The following PDE3B variants were observed in gnomAD, a reference collection of about 807,000 sequenced individuals.
The protein encoded by PDE3B is phosphodiesterase 3B, also known as cGMP-inhibited 3',5'-cyclic phosphodiesterase 3B.
A neutral mutation model predicts 116.8 loss-of-function variants in PDE3B; 66 were observed. The ratio of observed to expected loss-of-function variants is 0.56; its 90% CI spans 0.46 to 0.69. The LOEUF (loss-of-function observed/expected upper bound fraction) is 0.69. PDE3B is among the 30% of genes least tolerant of loss of function. PDE3B has a pLI of 0.00. For missense variants in PDE3B, 1,384 were observed against 1,368.1 expected (o/e 1.01, Z -0.18); for synonymous variants, 595 against 533.6 (o/e 1.12, Z -1.59).
chr11:14,873,661 A>T (rs1034888827), downstream of PDE3B, among the ~76,000 whole-genome samples: 1 of 152,174 alleles, frequency 6.6e-6, no homozygotes, highest in Non-Finnish European at 1.5e-5. Flanking sequence ...ATGTATTTCA[A>T]TGTAGGTATG....
At chr11:14,728,294 T>C (rs993829795) in intron 1 of PDE3B, among the ~76,000 whole-genome samples, 4 of 152,078 alleles carry the variant, frequency 2.6e-5, no homozygotes, top group Non-Finnish European at 5.9e-5. Context: ...TTATGCTTTC[T>C]GTGAAAGTCA....
At chr11:14,797,825 T>C (rs1366660383) in intron 4 of PDE3B, among the ~76,000 whole-genome samples, 2 of 152,224 alleles carry the variant, frequency 1.3e-5, no homozygotes, top group Non-Finnish European at 2.9e-5. Context: ...TAAGGAGATT[T>C]GGGGCTGAGA....
At chr11:14,786,997 G>A (rs563636242) in intron 3 of PDE3B, among the ~76,000 whole-genome samples, 3 of 152,046 alleles carry the variant, frequency 2.0e-5, no homozygotes, top group African/African-American at 7.2e-5. Context: ...TCACGTTATT[G>A]CTCTATTTTA....
intron 1 of PDE3B, among the ~76,000 whole-genome samples, chr11:14,745,802 A>G (rs1299622837): frequency 6.6e-6 from 1 of 152,224 alleles, no homozygotes; most frequent in African/African-American, 2.4e-5. Flanking sequence ...GGAAAAGGAA[A>G]AGAATTAATG....
intron 1 of PDE3B, among the ~76,000 whole-genome samples, chr11:14,694,122 GAAA>G (rs1855131204): frequency 1.3e-5 from 2 of 152,154 alleles, no homozygotes; most frequent in Admixed American, 1.3e-4. Context: ...TCAGTGTCAT[GAAA>G]AAACTTGAAC....
chr11:14,717,790 C>A (rs1259704290), intron 1 of PDE3B, among the ~76,000 whole-genome samples: 10 of 134,878 alleles, frequency 7.4e-5, no homozygotes, highest in East Asian at 4.4e-4. Flanking sequence ...TGGAAAGGAA[C>A]AACCGGTACC....
chr11:14,771,966 A>G lies in PDE3B; in HGVS notation c.1008A>G (p.Gln336=), dbSNP rs1192855128. The stretch of plus-strand genomic sequence containing the variant: ...TTCTTTGGGATTGGGACTTAAAACA[A>G]TGGTATAAGCCTCATTATCAAGTAA... The part of the protein sequence containing the change: ...QMILWDWDLK[Q]WYKPHYQNSG... Residue 336 remains glutamine (Q), a synonymous_variant, in exon 2 of 16, where the codon CAA becomes CAG. Coordinates refer to ENST00000282096, the MANE Select transcript of PDE3B (RefSeq NM_000922.4). 2.2e-6 allele frequency: 3 copies of G among 1,352,894 alleles called. No homozygotes were observed. Among genetic ancestry groups the G allele is most frequent in the East Asian group, 2.7e-5 (1 of 37,188 alleles). The allele number at this position is 1,352,894 out of a possible 1,614,324, so 83.8% of individuals were successfully genotyped here. A position where few individuals can be genotyped will look rare whatever the true frequency, so the allele number is the denominator to read the frequency against.
At chr11:14,847,714 A>G (rs949477409) in intron 12 of PDE3B, among the ~76,000 whole-genome samples, 9 of 152,248 alleles carry the variant, frequency 5.9e-5, no homozygotes, top group Admixed American at 5.2e-4. Context: ...AAACAGCTCT[A>G]AGCAAATAAA....
chr11:14,786,883 C>T (rs951396833), intron 3 of PDE3B, among the ~76,000 whole-genome samples, 198 bp downstream of exon 3: 2 of 151,898 alleles, frequency 1.3e-5, no homozygotes, highest in Non-Finnish European at 2.9e-5. Context: ...AAATACATTG[C>T]TGTGATTAGC....
In PDE3B at chr11:14,852,480, C is replaced by T. The variant is rs955847787; in HGVS notation, c.2521-6563C>T. On this transcript the variant is annotated intron_variant, in intron 12 of 15. Transcript: ENST00000282096. ...ATAATTTAAAACAATGTTATATGAA[C>T]AACTTATACAAGTTGCATACTCAAT... Among the ~76,000 whole-genome samples the T allele has an allele frequency of 2.6e-5, 4 of 152,206 alleles. No individual in the cohort carries two copies. In the South Asian group the frequency reaches 8.3e-4, roughly 32 times the overall value.
intron 4 of PDE3B, among the ~76,000 whole-genome samples, chr11:14,796,526 A>G (rs1858559247): frequency 1.3e-5 from 2 of 152,168 alleles, no homozygotes; most frequent in Admixed American, 6.5e-5. Flanking sequence ...CCTCTGCAGC[A>G]TCTGTTGTTT....
chr11:14,721,619 T>C (rs1028216305), intron 1 of PDE3B, among the ~76,000 whole-genome samples: 2 of 148,906 alleles, frequency 1.3e-5, no homozygotes, highest in Non-Finnish European at 3.0e-5. Flanking sequence ...TTCATGTCCT[T>C]TCTAGGGACA....
chr11:14,727,743 A>AT (rs1856350410), intron 1 of PDE3B, among the ~76,000 whole-genome samples: 1 of 151,964 alleles, frequency 6.6e-6, no homozygotes, highest in East Asian at 1.9e-4. Flanking sequence ...TCTAAACTGC[A>AT]TTTTTTCTCC....
the PDE3B span, among the ~76,000 whole-genome samples, chr11:14,889,607 A>G: frequency 6.6e-6 from 1 of 152,156 alleles, no homozygotes; most frequent in Non-Finnish European, 1.5e-5. Flanking sequence ...CTCTCTCTGT[A>G]AAGAACCATG....
At chr11:14,858,834 G>A (rs1847895420) in intron 12 of PDE3B, among the ~76,000 whole-genome samples, 1 of 152,024 alleles carries the variant, frequency 6.6e-6, no homozygotes, top group Admixed American at 6.5e-5. Flanking sequence ...TATGTATGTT[G>A]GAAGGAAAGG....
intron 1 of PDE3B, among the ~76,000 whole-genome samples, chr11:14,669,289 C>T (rs900577536): frequency 6.6e-6 from 1 of 151,856 alleles, no homozygotes; most frequent in Admixed American, 6.6e-5. Flanking sequence ...ATAACTACCC[C>T]AGGCTCACTT....
At chr11:14,691,916 C>A (rs932335558) in intron 1 of PDE3B, among the ~76,000 whole-genome samples, 9 of 152,134 alleles carry the variant, frequency 5.9e-5, no homozygotes, top group African/African-American at 2.2e-4. Context: ...AAATCATTTA[C>A]AATTTAATAG....
At chr11:14,887,070 G>C in the PDE3B span, 1 of 152,256 alleles carries the variant, frequency 6.6e-6, no homozygotes, top group East Asian at 1.9e-4. Context: ...TAAGTAAAAG[G>C]GAATGGCTAC....
intron 1 of PDE3B, among the ~76,000 whole-genome samples, chr11:14,702,918 C>T (rs1168453522): frequency 1.3e-5 from 2 of 151,890 alleles, no homozygotes; most frequent in Admixed American, 6.6e-5. Flanking sequence ...CTCCCTGTCA[C>T]TTATGGCCTG....
Sources: gnomAD v4.1 joint callset for allele counts (sites outside exome capture counted in the v4.1 genomes callset) on GRCh38, gnomAD v4.1.1 for gene constraint, MANE v1.5 for transcripts, NCBI Gene and HGNC (gene_info 2026-07-23, HGNC 2026-07-21) for gene names.